Variants in ENOX1 observed in about 807,000 individuals in gnomAD.
ENOX1 encodes the protein ecto-NOX disulfide-thiol exchanger 1.
In ENOX1, 42 loss-of-function variants were observed where a neutral mutation model predicts 82.5. The observed-to-expected ratio is 0.51, with a 90% CI of 0.40 to 0.66. The LOEUF (loss-of-function observed/expected upper bound fraction) is 0.66, where lower values mean the gene tolerates loss of function less well. ENOX1 is among the 30% of genes least tolerant of loss of function. ENOX1 has a pLI of 0.00. For missense variants in ENOX1, 608 were observed against 811.6 expected (o/e 0.75, Z 3.05); for synonymous variants, 271 against 282.2 (o/e 0.96, Z 0.40).
At chr13:43,780,814 T>C (rs2153849127) in intron 1 of ENOX1, among the ~76,000 whole-genome samples, 1 of 152,370 alleles carries the variant, frequency 6.6e-6, no homozygotes. Flanking sequence ...AGGTACTCTC[T>C]TGCAAATGAG....
chr13:43,400,851 T>C (rs1156718611), intron 5 of ENOX1, among the ~76,000 whole-genome samples: 2 of 152,244 alleles, frequency 1.3e-5, no homozygotes, highest in Non-Finnish European at 2.9e-5. Context: ...AAGATAGAGC[T>C]GGCCTTAGGC....
At chr13:43,306,227 G>A (rs2046850538) in intron 11 of ENOX1, among the ~76,000 whole-genome samples, 1 of 152,182 alleles carries the variant, frequency 6.6e-6, no homozygotes. Flanking sequence ...AAAAGATTCG[G>A]CGATCTCCAG....
chr13:43,771,933 A>ATTTTTTTTTTTTTTT (rs34718451), intron 1 of ENOX1, among the ~76,000 whole-genome samples: 15 of 100,964 alleles, frequency 1.5e-4, no homozygotes, highest in East Asian at 5.6e-4. Flanking sequence ...CGCCCGGCTA[A>ATTTTTTTTTTTTTTT]TTTTTTTTTT....
chr13:43,429,346 ACT>A (rs914498674), intron 3 of ENOX1, among the ~76,000 whole-genome samples: 5 of 152,048 alleles, frequency 3.3e-5, no homozygotes, highest in African/African-American at 1.2e-4. Context: ...AGCAGCAAAA[ACT>A]CTGTTAAGGA....
chr13:43,310,148 G>A (rs1395951013), intron 11 of ENOX1, among the ~76,000 whole-genome samples: 3 of 141,384 alleles, frequency 2.1e-5, no homozygotes, highest in South Asian at 4.6e-4. Context: ...GCAATGAGCC[G>A]AGATCACGCC....
chr13:43,591,775 T>G lies in ENOX1; in HGVS notation c.-219+75704A>C, dbSNP rs533102495. Among the ~76,000 whole-genome samples, 8 of 152,286 alleles carry G rather than the reference T, an allele frequency of 5.3e-5. No individual in the cohort carries two copies. The East Asian group carries it at 1.5e-3, about 29-fold the overall frequency. On this transcript the variant is annotated intron_variant, in intron 2 of 16. Coordinates refer to ENST00000690772, the MANE Select transcript of ENOX1 (RefSeq NM_001347969.2). ...TTGTCTCAGACCCCTCCCACCTGCA[T>G]TTTGTCTCAGCCAATTACAGCTCCC...
chr13:43,545,814 T>C (rs1340300106), intron 2 of ENOX1: 2 of 152,358 alleles, frequency 1.3e-5, no homozygotes, highest in African/African-American at 4.8e-5. Flanking sequence ...AAATAGTATA[T>C]GTCTAGTTGT....
intron 2 of ENOX1, among the ~76,000 whole-genome samples, chr13:43,568,293 AC>A (rs1234924745): frequency 6.6e-6 from 1 of 152,200 alleles, no homozygotes; most frequent in African/African-American, 2.4e-5. Context: ...TAAGCAGTTG[AC>A]AGGCACGAGA....
At chr13:43,375,656 T>C (rs1434139842) in intron 5 of ENOX1, among the ~76,000 whole-genome samples, 1 of 152,190 alleles carries the variant, frequency 6.6e-6, no homozygotes, top group Non-Finnish European at 1.5e-5. Flanking sequence ...GAATAGTATG[T>C]GGACTTCCTC....
chr13:43,216,084 T>C (rs2041463103), intron 16 of ENOX1, among the ~76,000 whole-genome samples: 1 of 152,102 alleles, frequency 6.6e-6, no homozygotes, highest in Non-Finnish European at 1.5e-5. Flanking sequence ...TAATCCCAGC[T>C]ACTCAGGAGG....
chr13:43,253,745 C>G (rs141380245), intron 14 of ENOX1, among the ~76,000 whole-genome samples: 1 of 152,154 alleles, frequency 6.6e-6, no homozygotes, highest in South Asian at 2.1e-4. Context: ...TGCTTTTATA[C>G]CACTAATCCT....
In ENOX1 at chr13:43,580,953, G is replaced by C. The variant is rs565233653; in HGVS notation, c.-219+86526C>G. Among the ~76,000 whole-genome samples the C allele has an allele frequency of 6.6e-5, 10 of 152,218 alleles. No homozygotes were observed. The East Asian group carries it at 1.7e-3, about 26-fold the overall frequency. On this transcript the variant is annotated intron_variant, in intron 2 of 16. Coordinates refer to ENST00000690772, the MANE Select transcript of ENOX1 (RefSeq NM_001347969.2). Reference sequence around the variant, plus strand: ...GTCCTTTAGGAGATTAATTGAAGCAGGTGGTAATGAAAGTTAGGACCTTGT... The same window carrying C: ...GTCCTTTAGGAGATTAATTGAAGCACGTGGTAATGAAAGTTAGGACCTTGT...
At chr13:43,317,719 T>A (rs2047582882) in intron 11 of ENOX1, among the ~76,000 whole-genome samples, 3 of 143,382 alleles carry the variant, frequency 2.1e-5, no homozygotes, top group Admixed American at 1.4e-4. Context: ...AAAAAAAAAA[T>A]TCCGGGCCAG....
chr13:43,531,791 G>A (rs969245117), intron 2 of ENOX1, among the ~76,000 whole-genome samples: 14 of 150,778 alleles, frequency 9.3e-5, no homozygotes, highest in African/African-American at 3.4e-4. Flanking sequence ...GGATGAAGCT[G>A]GAAACCATCA....
chr13:43,350,496 A>T (rs929499076), intron 8 of ENOX1, among the ~76,000 whole-genome samples: 2 of 152,170 alleles, frequency 1.3e-5, no homozygotes. Context: ...CCCAGGCTGG[A>T]GTGCAATGGC....
At chr13:43,649,836 T>C (rs1244373249) in intron 2 of ENOX1, among the ~76,000 whole-genome samples, 3 of 152,196 alleles carry the variant, frequency 2.0e-5, no homozygotes, top group African/African-American at 7.2e-5. Flanking sequence ...GGCAACAGCC[T>C]AAGTCCCAAT....
At chr13:43,347,657 A>G (rs2049478697) in intron 8 of ENOX1, among the ~76,000 whole-genome samples, 1 of 152,254 alleles carries the variant, frequency 6.6e-6, no homozygotes, top group African/African-American at 2.4e-5. Flanking sequence ...TCACTGAGAA[A>G]GCAGAAAACA....
chr13:43,702,697 T>C (rs2086974102), intron 1 of ENOX1, among the ~76,000 whole-genome samples: 1 of 152,116 alleles, frequency 6.6e-6, no homozygotes, highest in Non-Finnish European at 1.5e-5. Context: ...ATGCCTGTAA[T>C]ACCAACATTT....
At chr13:43,779,177 G>A (rs936711772) in intron 1 of ENOX1, among the ~76,000 whole-genome samples, 8 of 128,162 alleles carry the variant, frequency 6.2e-5, no homozygotes, top group Non-Finnish European at 9.6e-5. Context: ...AACTTGCCTC[G>A]TTATTTAAAA....
Sources: allele counts gnomAD v4.1 joint callset (sites outside exome capture counted in the v4.1 genomes callset), GRCh38; gene constraint gnomAD v4.1.1; transcripts MANE v1.5; gene names NCBI Gene and HGNC (gene_info 2026-07-23, HGNC 2026-07-21).